BCAR1: variants seen among roughly 807,000 people sequenced by gnomAD.
The protein encoded by BCAR1 is BCAR1 scaffold protein, Cas family member, also known as breast cancer anti-estrogen resistance protein 1.
Under a neutral mutation model 67.6 loss-of-function variants are expected in BCAR1, and 30 were observed. That is an observed-to-expected ratio of 0.44 (90% confidence interval 0.33 to 0.60). The LOEUF is 0.60. BCAR1 is among the 20% of genes least tolerant of loss of function. The pLI is 0.02. For missense variants in BCAR1, 1,313 were observed against 1,222.3 expected (o/e 1.07, Z -1.11); for synonymous variants, 626 against 556.7 (o/e 1.12, Z -1.75).
At chr16:75,237,974 C>T (rs940042734) in intron 2 of BCAR1, 29 of 1,213,814 alleles carry the variant, frequency 2.4e-5, no homozygotes, top group East Asian at 5.7e-5. Context: ...CCCTCCCTGC[C>T]GCGCCTGCCC....
At chr16:75,248,039 A>G (rs1400466244) in intron 1 of BCAR1, 3 of 1,458,934 alleles carry the variant, frequency 2.1e-6, no homozygotes, top group East Asian at 2.3e-5. Flanking sequence ...AAACAACCCC[A>G]TAAGACACGA....
chr16:75,236,131 T>A (rs2077125359), intron 4 of BCAR1, 145 bp from the exon 5 acceptor site: 1 of 1,066,086 alleles, frequency 9.4e-7, no homozygotes, highest in South Asian at 1.7e-5. Context: ...CAGGCACACA[T>A]ACAAATGCAG....
intron 1 of BCAR1, among the ~76,000 whole-genome samples, chr16:75,262,621 C>T (rs1393526495): frequency 6.6e-6 from 1 of 152,188 alleles, no homozygotes; most frequent in Admixed American, 6.5e-5. Flanking sequence ...CACTGCCTGG[C>T]TGCCAGGCCA....
At chr16:75,266,689 A>G in intron 1 of BCAR1, 5 of 1,335,718 alleles carry the variant, frequency 3.7e-6, no homozygotes, top group African/African-American at 1.5e-5. Flanking sequence ...TACATTTCAT[A>G]GGCCCAGGCA....
At chr16:75,267,399 G>GC (rs999917096) in intron 1 of BCAR1, among the ~76,000 whole-genome samples, 6 of 148,164 alleles carry the variant, frequency 4.0e-5, no homozygotes, top group South Asian at 2.1e-4. Flanking sequence ...CAAGCCGGGG[G>GC]GGGGGTGGGG....
At chr16:75,266,759 C>G in intron 1 of BCAR1, 4 of 1,458,484 alleles carry the variant, frequency 2.7e-6, no homozygotes, top group Non-Finnish European at 3.7e-6. Flanking sequence ...GTTCTGCTTC[C>G]TGGGGACGGT....
Position 75,235,165 on chromosome 16 carries a change from C to T in BCAR1, c.1734G>A (p.Arg578=), listed in dbSNP as rs372575414. 1 of 1,608,778 alleles carries T rather than the reference C, an allele frequency of 6.2e-7. No individual in the cohort carries two copies. Residue 578 remains arginine (R), a synonymous_variant, in exon 5 of 7, where the codon CGG becomes CGA. Coordinates refer to ENST00000162330, the MANE Select transcript of BCAR1 (RefSeq NM_014567.5). ...GSGATLEDLD[R]LVACSRAVPE... The stretch of plus-strand genomic sequence containing the variant: ...GCACAGCCCGCGAGCAGGCCACCAG[C>T]CGGTCCAGGTCCTCAAGGGTGGCTC...
chr16:75,246,571 A>G, intron 1 of BCAR1: 1 of 152,604 alleles, frequency 6.6e-6, no homozygotes, highest in Non-Finnish European at 1.5e-5. Flanking sequence ...TGGAGCAGGG[A>G]GGCAGGCTGT....
intron 6 of BCAR1, among the ~76,000 whole-genome samples, chr16:75,232,148 G>A (rs1183310960): frequency 2.7e-5 from 4 of 149,378 alleles, no homozygotes; most frequent in Non-Finnish European, 5.9e-5. Context: ...CACCCAGGAG[G>A]TTTTTAAAAC....
chr16:75,266,386 A>G, intron 1 of BCAR1: 1 of 193,076 alleles, frequency 5.2e-6, no homozygotes, highest in East Asian at 1.2e-4. Flanking sequence ...CCCCGGAAAC[A>G]GTCTAGCTCA....
chr16:75,243,547 T>C (rs2077423291), intron 1 of BCAR1: 1 of 481,628 alleles, frequency 2.1e-6, no homozygotes, highest in Non-Finnish European at 4.1e-6. Flanking sequence ...TGAACAACAA[T>C]AAGACAGAGC....
chr16:75,235,471 G>T lies in BCAR1; in HGVS notation c.1428C>A (p.His476Gln). The T allele has an allele frequency of 6.2e-7, 1 of 1,604,572 alleles. No individual in the cohort carries two copies. The highest frequency in any genetic ancestry group is 2.2e-5 in the East Asian group (1 of 44,494). ...LQQGVSATVA[H>Q]LLDLAGSAGA... is the part of the protein sequence containing the mutation. ...CGGCGCTGCCTGCCAGGTCCAGAAG[G>T]TGGGCAACGGTGGCGCTCACACCCT... The change falls in exon 5 of 7, where the codon CAC becomes CAA. Residue 476 changes from histidine to glutamine, a missense_variant. His to Gln is a conservative substitution (Grantham distance 24). Transcript: ENST00000162330.
intron 1 of BCAR1, chr16:75,263,282 C>G (rs950020001): frequency 8.9e-5 from 88 of 985,324 alleles, no homozygotes; most frequent in Non-Finnish European, 1.0e-4. Flanking sequence ...ACCTGCCACC[C>G]CTAAACATGG....
At position 75,229,673 on chromosome 16, in the gene BCAR1, G is replaced by T. The variant is rs770026660; in HGVS notation, c.2451C>A (p.Asn817Lys). ...TGCCGCGCAGGAGGTCGCACAGCAG[G>T]TTGCTGTAGTGGGTCACCTGGCTGC... The part of the protein sequence containing the change: ...DVRSQVTHYS[N>K]LLCDLLRGIV... The change falls in exon 7 of 7, where the codon AAC (asparagine) becomes AAA (lysine). Residue 817 changes from asparagine to lysine, a missense_variant. Physicochemically the swap from Asn to Lys is moderately conservative, Grantham distance 94. This residue lies in a region of BCAR1 where 1,272 missense variants were observed against 1,137.5 expected (regional missense o/e 1.12). Coordinates refer to ENST00000162330, the MANE Select transcript of BCAR1 (RefSeq NM_014567.5). The T allele has an allele frequency of 5.6e-6, 9 of 1,612,782 alleles. No homozygotes were observed. Among genetic ancestry groups the T allele is most frequent in the African/African-American group, 1.3e-5 (1 of 74,952 alleles).
At chr16:75,248,307 G>C (rs2077580733) in intron 1 of BCAR1, 2 of 1,386,108 alleles carry the variant, frequency 1.4e-6, no homozygotes, top group Admixed American at 3.0e-5. Flanking sequence ...CTCGCACATA[G>C]CAGGCACTTG....
chr16:75,251,569 C>T lies in BCAR1; in HGVS notation c.-87G>A. On this transcript the variant is annotated 5_prime_UTR_variant, in exon 1 of 7. Coordinates refer to ENST00000162330, the MANE Select transcript of BCAR1 (RefSeq NM_014567.5). Reference sequence around the variant, plus strand: ...CGTGCCCTCGGGGCTCCGAGCGCGCCGCAGCCGCCCCGGTGCCGCCGCGCA... The same window carrying T: ...CGTGCCCTCGGGGCTCCGAGCGCGCTGCAGCCGCCCCGGTGCCGCCGCGCA... The T allele has an allele frequency of 2.7e-6, 3 of 1,100,946 alleles. No individual in the cohort carries two copies. Among genetic ancestry groups the T allele is most frequent in the South Asian group, 8.6e-5 (2 of 23,122 alleles). The allele number at this position is 1,100,946 out of a possible 1,614,324, so 68.2% of individuals were successfully genotyped here.
At chr16:75,234,653 G>A (rs746766977) in intron 5 of BCAR1, among the ~76,000 whole-genome samples, 13 of 152,226 alleles carry the variant, frequency 8.5e-5, no homozygotes, top group Non-Finnish European at 1.8e-4. Context: ...TCCCCACACA[G>A]AACAGCAGAG....
chr16:75,233,746 A>G, intron 6 of BCAR1, 100 bp downstream of exon 6: 1 of 1,258,634 alleles, frequency 7.9e-7, no homozygotes, highest in Non-Finnish European at 1.1e-6. Flanking sequence ...GTCAGACAAC[A>G]TGAGAAGCTG....
At position 75,251,567 on chromosome 16, in the gene BCAR1, GCCGCAGCCGCC is replaced by G; in HGVS notation, c.-96_-86del. The G allele has an allele frequency of 9.1e-7, 1 of 1,103,824 alleles. No individual in the cohort carries two copies. The highest frequency in any genetic ancestry group is 1.1e-6 in the Non-Finnish European group (1 of 907,284). 68.4% of individuals were successfully genotyped at this position (1,103,824 alleles called of 1,614,324 possible). ...CGCGTGCCCTCGGGGCTCCGAGCGC[GCCGCAGCCGCC>G]CCGGTGCCGCCGCGCAGCTGCCGCC... On this transcript the variant is annotated 5_prime_UTR_variant, in exon 1 of 7. Coordinates refer to ENST00000162330, the MANE Select transcript of BCAR1 (RefSeq NM_014567.5).
Sources: gnomAD v4.1 joint callset for allele counts (sites outside exome capture counted in the v4.1 genomes callset) on GRCh38, gnomAD v4.1.1 for gene constraint, gnomAD v4.1.1 regional missense constraint, MANE v1.5 for transcripts, NCBI Gene and HGNC (gene_info 2026-07-23, HGNC 2026-07-21) for gene names.